Variants in CA5A observed in about 807,000 individuals in gnomAD.
CA5A encodes carbonic anhydrase 5A, mitochondrial.
CA5A carries 28 observed loss-of-function variants against 37.1 expected under a neutral mutation model. That is an observed-to-expected ratio of 0.75 (90% CI 0.56 to 1.03). The LOEUF is 1.03. Ranked by LOEUF, CA5A falls within the 50% of genes least tolerant of loss-of-function variation. The pLI, the probability that CA5A is intolerant of heterozygous loss-of-function variation, is 0.00. For missense variants in CA5A, 444 were observed against 399.9 expected (o/e 1.11, Z -0.94); for synonymous variants, 171 against 158.4 (o/e 1.08, Z -0.60).
chr16:87,904,340 CAA>C (rs10648205), intron 3 of CA5A, among the ~76,000 whole-genome samples: 2 of 139,442 alleles, frequency 1.4e-5, no homozygotes. Context: ...AACCCTGTTT[CAA>C]AAAAAAAAAA....
intron 2 of CA5A, among the ~76,000 whole-genome samples, chr16:87,916,181 A>C (rs868017663): frequency 2.5e-4 from 35 of 139,136 alleles, no homozygotes; most frequent in Non-Finnish European, 4.5e-4. Context: ...AAAAAAAAAA[A>C]CAAAAAACCA....
At chr16:87,883,357 T>C (rs1362155534), downstream of CA5A, 2 of 137,194 alleles carry the variant, frequency 1.5e-5, no homozygotes, top group Non-Finnish European at 3.1e-5. Context: ...TGAGATGGAG[T>C]CTCACTCTGT....
At chr16:87,893,102 C>CT in intron 5 of CA5A, 1 of 654,216 alleles carries the variant, frequency 1.5e-6, no homozygotes, top group Non-Finnish European at 2.6e-6. Flanking sequence ...AACAGTTTGC[C>CT]TAGAGACATT....
intron 5 of CA5A, among the ~76,000 whole-genome samples, chr16:87,896,920 G>T (rs113289267): frequency 0.012 from 1,830 of 152,362 alleles, 32 homozygotes; most frequent in African/African-American, 0.042. Flanking sequence ...GATTATAGGC[G>T]TGAGCCACGC....
intron 1 of CA5A, among the ~76,000 whole-genome samples, chr16:87,935,421 C>A (rs558641021): frequency 2.0e-5 from 3 of 152,178 alleles, no homozygotes; most frequent in Non-Finnish European, 4.4e-5. Flanking sequence ...TAGGAGCGAT[C>A]GTGACTGGTT....
intron 2 of CA5A, among the ~76,000 whole-genome samples, chr16:87,914,354 G>A (rs2056098178): frequency 6.6e-6 from 1 of 152,210 alleles, no homozygotes; most frequent in South Asian, 2.1e-4. Context: ...CTTTTCGTCA[G>A]GCAACCGCCA....
At chr16:87,916,023 C>T (rs1485501385) in intron 2 of CA5A, among the ~76,000 whole-genome samples, 1 of 151,750 alleles carries the variant, frequency 6.6e-6, no homozygotes, top group East Asian at 1.9e-4. Flanking sequence ...TGGGGGCAGC[C>T]AAGAGACAGA....
At chr16:87,913,662 T>G (rs771862163) in intron 2 of CA5A, among the ~76,000 whole-genome samples, 25 of 111,968 alleles carry the variant, frequency 2.2e-4, no homozygotes, top group African/African-American at 9.6e-4. Context: ...GGCCCCCCCC[T>G]CCTCTCCAAT....
At chr16:87,927,788 GA>G (rs2056332982) in intron 1 of CA5A, among the ~76,000 whole-genome samples, 2 of 151,100 alleles carry the variant, frequency 1.3e-5, no homozygotes, top group African/African-American at 4.9e-5. Context: ...GTGAACCCAG[GA>G]GGCAGAGGTG....
intron 2 of CA5A, among the ~76,000 whole-genome samples, chr16:87,922,607 C>G (rs972809920): frequency 6.6e-6 from 1 of 152,208 alleles, no homozygotes; most frequent in African/African-American, 2.4e-5. Flanking sequence ...GGACGGGCCT[C>G]CCGTGCCGAC....
At chr16:87,923,897 CAATT>C (rs1448041956) in intron 2 of CA5A, 4 of 984,806 alleles carry the variant, frequency 4.1e-6, no homozygotes, top group East Asian at 1.1e-4. Flanking sequence ...TTAACCCAAA[CAATT>C]AAAAGTTCAG....
intron 2 of CA5A, among the ~76,000 whole-genome samples, chr16:87,909,602 C>G (rs530988123): frequency 6.6e-6 from 1 of 152,212 alleles, no homozygotes; most frequent in East Asian, 1.9e-4. Context: ...CAGGAAGACA[C>G]AGAGGCCTTT....
At chr16:87,895,330 G>A (rs1037112017) in intron 5 of CA5A, among the ~76,000 whole-genome samples, 2 of 152,174 alleles carry the variant, frequency 1.3e-5, no homozygotes, top group African/African-American at 4.8e-5. Flanking sequence ...TGGATCACCT[G>A]AGGTCAGGAG....
chr16:87,924,098 C>T (rs954597592), intron 2 of CA5A: 17 of 985,426 alleles, frequency 1.7e-5, no homozygotes, highest in Middle Eastern at 5.2e-4. Flanking sequence ...GCTCCCTGGT[C>T]CCCGAAGCTG....
chr16:87,900,916 T>TAA (rs2055868684), intron 5 of CA5A, among the ~76,000 whole-genome samples: 1 of 152,214 alleles, frequency 6.6e-6, no homozygotes, highest in Non-Finnish European at 1.5e-5. Context: ...TTTTTCGAGC[T>TAA]AATCAATTTA....
Position 87,936,330 on chromosome 16 carries a change from A to G in CA5A, c.121T>C (p.Trp41Arg). Residue 41 changes from tryptophan (W) to arginine (R), a missense_variant, in exon 1 of 7, where the codon TGG (tryptophan) becomes CGG (arginine). Transcript: ENST00000649794. ...GRWCSQRSCA[W>R]QTSNNTLHPL... ...TTACAAGTGTTATTGCTGGTTTGCC[A>G]TGCACAGGAACGCTGAGAACACCAT... 1 of 1,613,810 alleles carries G rather than the reference A, an allele frequency of 6.2e-7. No individual in the cohort carries two copies. Among genetic ancestry groups the G allele is most frequent in the Non-Finnish European group, 8.5e-7 (1 of 1,179,740 alleles).
intron 1 of CA5A, among the ~76,000 whole-genome samples, chr16:87,932,189 AC>A (rs559342375): frequency 3.3e-4 from 50 of 150,746 alleles, no homozygotes; most frequent in African/African-American, 1.1e-3. Flanking sequence ...AGTGCACTCT[AC>A]CCCCCCTCCC....
intron 5 of CA5A, 79 bp from the exon 6 acceptor site, chr16:87,892,033 C>T (rs2055724449): frequency 1.5e-6 from 2 of 1,302,240 alleles, no homozygotes; most frequent in Non-Finnish European, 2.1e-6. Context: ...CACGTGAGGC[C>T]TTCATGGTGC....
At chr16:87,925,602 C>G (rs1953292466) in intron 2 of CA5A, 1 of 152,248 alleles carries the variant, frequency 6.6e-6, no homozygotes, top group African/African-American at 2.4e-5. Context: ...TGGGAAAACA[C>G]CAGGTAGGAC....
Sources: gnomAD v4.1 joint callset for allele counts (sites outside exome capture counted in the v4.1 genomes callset) on GRCh38, gnomAD v4.1.1 for gene constraint, MANE v1.5 for transcripts, NCBI Gene and HGNC (gene_info 2026-07-23, HGNC 2026-07-21) for gene names.